USP32: variants seen among roughly 807,000 people sequenced by gnomAD.
USP32 encodes the protein ubiquitin carboxyl-terminal hydrolase 32.
A neutral mutation model predicts 204.8 loss-of-function variants in USP32; 59 were observed. The ratio of observed to expected loss-of-function variants is 0.29; its 90% CI spans 0.23 to 0.36. The LOEUF is 0.36. Among genes scored for constraint, USP32 ranks in the 10% least tolerant of loss-of-function variants. The probability of loss-of-function intolerance (pLI) is 1.00; values close to 1 mark genes in which losing one functional copy is unlikely to be tolerated. For missense variants in USP32, 1,160 were observed against 1,946.4 expected (o/e 0.60, Z 7.60); for synonymous variants, 517 against 678.4 (o/e 0.76, Z 3.70).
intron 2 of USP32, chr17:60,304,812 T>C (rs534049809): frequency 1.3e-4 from 20 of 152,326 alleles, no homozygotes; most frequent in Admixed American, 6.5e-4. Flanking sequence ...AAGCCTAACA[T>C]TGACCTCATT....
intron 3 of USP32, among the ~76,000 whole-genome samples, chr17:60,299,893 C>T (rs1305010003): frequency 6.6e-6 from 1 of 152,110 alleles, no homozygotes; most frequent in Non-Finnish European, 1.5e-5. Flanking sequence ...TCATTGTATC[C>T]TCACACAGGG....
At position 60,215,027 on chromosome 17, in the gene USP32, C is replaced by T. The variant is rs143571114; in HGVS notation, c.1868-253G>A. On this transcript the variant is annotated intron_variant, in intron 16 of 33. Coordinates refer to ENST00000300896, the MANE Select transcript of USP32 (RefSeq NM_032582.4). ...TATGTTGCCAGACTAGAGTGCGGTG[C>T]TGTGATTTTGGCTCACTGCAGCCTC... Among the ~76,000 whole-genome samples the T allele has an allele frequency of 4.6e-5, 7 of 152,174 alleles. No individual in the cohort carries two copies. The East Asian group carries it at 1.4e-3, about 29-fold the overall frequency.
intron 11 of USP32, among the ~76,000 whole-genome samples, chr17:60,247,701 T>G (rs1344073516): frequency 6.6e-6 from 1 of 151,920 alleles, no homozygotes; most frequent in African/African-American, 2.4e-5. Flanking sequence ...TGTTTGTTTT[T>G]GAGACAGAGT....
intron 1 of USP32, among the ~76,000 whole-genome samples, chr17:60,417,431 C>T (rs934920652): frequency 6.6e-6 from 1 of 151,656 alleles, no homozygotes; most frequent in African/African-American, 2.4e-5. Context: ...CAAGCATAAG[C>T]CACATGCCCA....
intron 1 of USP32, among the ~76,000 whole-genome samples, chr17:60,370,599 A>G (rs1206900289): frequency 6.6e-6 from 1 of 151,398 alleles, no homozygotes; most frequent in Non-Finnish European, 1.5e-5. Context: ...TGCCTCTACA[A>G]AAAAAAATAC....
upstream of USP32, chr17:60,392,547 G>C (rs533168132): frequency 2.4e-6 from 1 of 413,988 alleles, no homozygotes; most frequent in East Asian, 9.9e-5. Context: ...CTGACGGTTA[G>C]TGTGGCAGTT....
intron 11 of USP32, among the ~76,000 whole-genome samples, chr17:60,240,665 T>C (rs922545363): frequency 2.0e-5 from 3 of 152,182 alleles, no homozygotes; most frequent in Admixed American, 1.3e-4. Context: ...TTTACGGGTC[T>C]TATAAGGTCT....
chr17:60,202,424 T>A (rs961278910), intron 26 of USP32, among the ~76,000 whole-genome samples: 1 of 150,712 alleles, frequency 6.6e-6, no homozygotes, highest in Non-Finnish European at 1.5e-5. Flanking sequence ...TTTCCACATA[T>A]GAGAATCAGC....
At chr17:60,299,343 G>A (rs1367287599) in intron 3 of USP32, among the ~76,000 whole-genome samples, 3 of 152,150 alleles carry the variant, frequency 2.0e-5, no homozygotes. Context: ...CAATTCGGGA[G>A]GCTAAGAAGT....
intron 1 of USP32, among the ~76,000 whole-genome samples, chr17:60,385,298 C>T (rs1053610015): frequency 6.6e-6 from 1 of 152,186 alleles, no homozygotes; most frequent in Non-Finnish European, 1.5e-5. Flanking sequence ...TATCTCCCTT[C>T]GCTGACTTTC....
chr17:60,341,096 C>G (rs1406265387), intron 2 of USP32, among the ~76,000 whole-genome samples: 1 of 152,104 alleles, frequency 6.6e-6, no homozygotes, highest in Non-Finnish European at 1.5e-5. Context: ...TCTGGCTGCC[C>G]TTAACATTTT....
intron 1 of USP32, among the ~76,000 whole-genome samples, chr17:60,414,964 A>G (rs1314866255): frequency 6.6e-6 from 1 of 150,664 alleles, no homozygotes; most frequent in Admixed American, 6.6e-5. Flanking sequence ...CAATAATTCT[A>G]CCTCAGCCTC....
Position 60,226,237 on chromosome 17 carries a change from A to G in USP32, c.1240-6T>C. The G allele has an allele frequency of 6.6e-7, 1 of 1,526,058 alleles. No individual in the cohort carries two copies. Among genetic ancestry groups the G allele is most frequent in the Non-Finnish European group, 8.7e-7 (1 of 1,143,966 alleles). The allele number at this position is 1,526,058 out of a possible 1,614,324, so 94.5% of individuals were successfully genotyped here. On this transcript the variant is annotated splice_region_variant and splice_polypyrimidine_tract_variant and intron_variant, in intron 12 of 33. Transcript: ENST00000300896. ...ATTACCACAGGGTTGGCATCCTAAA[A>G]TCAGGAAATCAGAGAATAAGAAGCA...
chr17:60,310,421 C>T (rs1264232696), intron 2 of USP32, among the ~76,000 whole-genome samples: 3 of 152,212 alleles, frequency 2.0e-5, no homozygotes, highest in Non-Finnish European at 4.4e-5. Context: ...AAAAAAGAGG[C>T]TGGGTGCGGT....
At chr17:60,405,692 G>A (rs188937634) in intron 1 of USP32, among the ~76,000 whole-genome samples, 1 of 152,292 alleles carries the variant, frequency 6.6e-6, no homozygotes, top group Non-Finnish European at 1.5e-5. Flanking sequence ...AGCCTGGGGA[G>A]GTGGAGGCTG....
chr17:60,386,028 C>T (rs1330354462), intron 1 of USP32, among the ~76,000 whole-genome samples: 1 of 151,978 alleles, frequency 6.6e-6, no homozygotes, highest in Non-Finnish European at 1.5e-5. Context: ...AACACACACA[C>T]ACACACACAA....
intron 5 of USP32, among the ~76,000 whole-genome samples, chr17:60,283,541 T>C (rs2087025584): frequency 1.3e-5 from 2 of 152,096 alleles, no homozygotes; most frequent in Admixed American, 6.5e-5. Flanking sequence ...GCAAGAAATA[T>C]GTCTGAGTTA....
chr17:60,407,349 A>G (rs1174960767), intron 1 of USP32, among the ~76,000 whole-genome samples: 1 of 152,192 alleles, frequency 6.6e-6, no homozygotes. Flanking sequence ...TAACTGAACA[A>G]TTCCCAGAGC....
At position 60,331,834 on chromosome 17, in the gene USP32, C is replaced by T. The variant is rs375258519; in HGVS notation, c.186+13647G>A. Among the ~76,000 whole-genome samples, 1,395 of 147,668 alleles carry T rather than the reference C, an allele frequency of 9.4e-3. 29 individuals carry two copies. Among genetic ancestry groups the T allele is most frequent in the African/African-American group, 0.033 (1,309 of 40,026 alleles). ...GATCACTTGAGCTTGGGGAGGTCAA[C>T]GCTGCAGTGAGCTGTGATCATGCCA... On this transcript the variant is annotated intron_variant, in intron 2 of 33. Transcript: ENST00000300896.
Sources: allele counts gnomAD v4.1 joint callset (sites outside exome capture counted in the v4.1 genomes callset), GRCh38; gene constraint gnomAD v4.1.1; transcripts MANE v1.5; gene names NCBI Gene and HGNC (gene_info 2026-07-23, HGNC 2026-07-21).